The following COMMD3 variants were observed in gnomAD, a reference collection of about 807,000 sequenced individuals.
The protein encoded by COMMD3 is COMM domain-containing protein 3.
A neutral mutation model predicts 31.2 loss-of-function variants in COMMD3; 31 were observed. That is an observed-to-expected ratio of 0.99 (90% CI 0.75 to 1.34). The LOEUF (loss-of-function observed/expected upper bound fraction) is 1.34, where lower values mean the gene tolerates loss of function less well. COMMD3 is among the 40% of genes most tolerant of loss of function. The pLI is 0.00. For missense variants in COMMD3, 274 were observed against 236.9 expected (o/e 1.16, Z -1.03); for synonymous variants, 108 against 87.3 (o/e 1.24, Z -1.32).
At chr10:22,317,460 C>T in intron 1 of COMMD3, 1 of 154,892 alleles carries the variant, frequency 6.5e-6, no homozygotes, top group Non-Finnish European at 1.4e-5. Flanking sequence ...TACCTTCTAC[C>T]CCCTTGATGT....
At position 22,318,644 on chromosome 10, in the gene COMMD3, A is replaced by C; in HGVS notation, c.351-9A>C. The C allele has an allele frequency of 6.2e-7, 1 of 1,609,570 alleles. No individual in the cohort carries two copies. Among genetic ancestry groups the C allele is most frequent in the Non-Finnish European group, 8.5e-7 (1 of 1,176,074 alleles). ...AGACTATGTACGAAGTTATCATTGC[A>C]TCTTTCAGTATAGGCAGATCTCTCC... On this transcript the variant is annotated splice_polypyrimidine_tract_variant and intron_variant, in intron 4 of 7. Coordinates refer to ENST00000376836, the MANE Select transcript of COMMD3 (RefSeq NM_012071.4).
chr10:22,318,159 G>A lies in COMMD3; in HGVS notation c.306G>A (p.Thr102=), dbSNP rs1129543. ...GAGAGCGAATAGAACTGTTTTGCAC[G>A]GAATATCAGGTTACTTACTTTAAAA... ...FDRERIELFC[T]EYQNNKNSLE... is the part of the protein sequence containing the mutation. Residue 102 remains threonine, a synonymous_variant, in exon 3 of 8, where the codon ACG becomes ACA. Transcript: ENST00000376836. 1,896 of 1,611,838 alleles carry A rather than the reference G, an allele frequency of 1.2e-3. 3 individuals carry two copies. The highest frequency in any genetic ancestry group is 1.1e-3 in the Non-Finnish European group (1,293 of 1,179,466).
chr10:22,317,786 G>A lies in COMMD3; in HGVS notation c.140-98G>A, dbSNP rs1037174413. 3.9e-6 allele frequency: 5 copies of A among 1,279,536 alleles called. No individual in the cohort carries two copies. The African/African-American group carries it at 7.5e-5, about 19-fold the overall frequency. The allele number at this position is 1,279,536 out of a possible 1,614,324, so 79.3% of individuals were successfully genotyped here. On this transcript the variant is annotated intron_variant, in intron 1 of 7. Transcript: ENST00000376836. ...CCTTATAGTTGATGTTTTTAATCTT[G>A]TTAAAGGGTTTTTAAACCCAAATTA...
In COMMD3 at chr10:22,319,843, G is replaced by A; in HGVS notation, c.529-96G>A. The A allele has an allele frequency of 4.8e-6, 7 of 1,453,736 alleles. No homozygotes were observed. The South Asian group carries it at 4.9e-5, about 10-fold the overall frequency. The allele number at this position is 1,453,736 out of a possible 1,614,324, so 90.1% of individuals were successfully genotyped here. On this transcript the variant is annotated intron_variant, in intron 7 of 7. Coordinates refer to ENST00000376836, the MANE Select transcript of COMMD3 (RefSeq NM_012071.4). Reference sequence around the variant, plus strand: ...GTTGAATTTTAAACTTGTTTGGAAGGTGTGTCCTGATTTTTTTTCTTGCAT... The same window carrying A: ...GTTGAATTTTAAACTTGTTTGGAAGATGTGTCCTGATTTTTTTTCTTGCAT...
Position 22,316,539 on chromosome 10 carries a change from C to G in COMMD3, c.122C>G (p.Ala41Gly), listed in dbSNP as rs1337377581. ...AAFQSLLDAQ[A>G]DEAVLDHPDL... ...TTCCAGAGTCTGCTGGACGCCCAGG[C>G]GGACGAGGCCGTGTTAGGTAAGCCG... The change falls in exon 1 of 8, where the codon GCG (alanine) becomes GGG (glycine). Residue 41 changes from alanine to glycine, a missense_variant. By Grantham distance (60) the Ala-to-Gly change is moderately conservative (BLOSUM62 0). Transcript: ENST00000376836. 2 of 1,548,498 alleles carry G rather than the reference C, an allele frequency of 1.3e-6. No individual in the cohort carries two copies. Among genetic ancestry groups the G allele is most frequent in the South Asian group, 2.4e-5 (2 of 83,916 alleles).
intron 1 of COMMD3, chr10:22,316,775 T>A: frequency 1.6e-6 from 1 of 634,168 alleles, no homozygotes; most frequent in Non-Finnish European, 2.3e-6. Flanking sequence ...TAGAGCCAAC[T>A]CCACGTTCCT....
chr10:22,319,045 C>G lies in COMMD3; in HGVS notation c.528+27C>G, dbSNP rs184789317. On this transcript the variant is annotated intron_variant, in intron 7 of 7. Coordinates refer to ENST00000376836, the MANE Select transcript of COMMD3 (RefSeq NM_012071.4). Reference sequence around the variant, plus strand: ...TACAGTATTAGGATCTATAAATATTCCTGTCTTTTTATAAATGTTTACTTG... The same window carrying G: ...TACAGTATTAGGATCTATAAATATTGCTGTCTTTTTATAAATGTTTACTTG... 4.5e-6 allele frequency: 7 copies of G among 1,562,704 alleles called. No homozygotes were observed. In the African/African-American group the frequency reaches 6.9e-5, roughly 15 times the overall value.
Position 22,318,871 on chromosome 10 carries a change from AGAT to A in COMMD3, c.468+10_468+12del. 1 of 1,613,298 alleles carries A rather than the reference AGAT, an allele frequency of 6.2e-7. No homozygotes were observed. Among genetic ancestry groups the A allele is most frequent in the South Asian group, 1.1e-5 (1 of 91,024 alleles). On this transcript the variant is annotated intron_variant, in intron 6 of 7. Transcript: ENST00000376836. ...TGACCTTAAGTGTACAGGTATTTAT[AGAT>A]AAGTCTTATCCAATAATGAAATTTA... is the stretch of plus-strand genomic sequence containing the variant.
rs1229930949 is a variant in COMMD3 at position 22,317,718 on chromosome 10, C to T, written c.140-166C>T. On this transcript the variant is annotated intron_variant, in intron 1 of 7. Transcript: ENST00000376836. ...TTGTTGTGTTCTTTTTATTGTTTTT[C>T]ACTTGATCTTGTTGCTCATCTCATT... is the stretch of plus-strand genomic sequence containing the variant. 8.6e-6 allele frequency: 5 copies of T among 584,408 alleles called. No individual in the cohort carries two copies. In the Admixed American group the frequency reaches 1.0e-4, roughly 12 times the overall value. 36.2% of individuals were successfully genotyped at this position (584,408 alleles called of 1,614,324 possible). A position where few individuals can be genotyped will look rare whatever the true frequency, so the allele number is the denominator to read the frequency against.
chr10:22,318,638 C>T lies in COMMD3; in HGVS notation c.351-15C>T. Reference sequence around the variant, plus strand: ...CTGAGGAGACTATGTACGAAGTTATCATTGCATCTTTCAGTATAGGCAGAT... The same window carrying T: ...CTGAGGAGACTATGTACGAAGTTATTATTGCATCTTTCAGTATAGGCAGAT... On this transcript the variant is annotated splice_polypyrimidine_tract_variant and intron_variant, in intron 4 of 7. Coordinates refer to ENST00000376836, the MANE Select transcript of COMMD3 (RefSeq NM_012071.4). The T allele has an allele frequency of 1.2e-6, 2 of 1,606,612 alleles. No individual in the cohort carries two copies. The highest frequency in any genetic ancestry group is 1.7e-6 in the Non-Finnish European group (2 of 1,173,502).
intron 1 of COMMD3, chr10:22,317,033 A>T (rs1168384602): frequency 6.5e-6 from 1 of 152,708 alleles, no homozygotes; most frequent in African/African-American, 2.4e-5. Flanking sequence ...GCATACCTCA[A>T]GTTGCTATGA....
intron 2 of COMMD3, 48 bp from the exon 3 acceptor site, chr10:22,318,057 G>C (rs745692233): frequency 6.2e-7 from 1 of 1,604,382 alleles, no homozygotes; most frequent in Admixed American, 1.7e-5. Flanking sequence ...TTCAATTTCA[G>C]TTTTAAAAAT....
chr10:22,317,849 TATC>T, intron 1 of COMMD3, 32 bp from the exon 2 acceptor site: 1 of 1,603,210 alleles, frequency 6.2e-7, no homozygotes, highest in South Asian at 1.1e-5. Context: ...AAGAATTTAT[TATC>T]ATAGGCATCA....
chr10:22,319,543 C>G (rs1835919907), intron 7 of COMMD3: 1 of 173,306 alleles, frequency 5.8e-6, no homozygotes, highest in African/African-American at 2.4e-5. Flanking sequence ...AAATGAAGCT[C>G]ATTACTGGAA....
chr10:22,318,728 A>C lies in COMMD3; in HGVS notation c.411+15A>C, dbSNP rs765106822. 1.9e-5 allele frequency: 30 copies of C among 1,613,014 alleles called. No individual in the cohort carries two copies. The highest frequency in any genetic ancestry group is 2.4e-5 in the Non-Finnish European group (28 of 1,179,252). ...ATCAGATAAAGGTAAAGTTTAAGAA[A>C]CTTCTCTAGCGGGGGATTTAGGGAA... is the stretch of plus-strand genomic sequence containing the variant. On this transcript the variant is annotated intron_variant, in intron 5 of 7. Coordinates refer to ENST00000376836, the MANE Select transcript of COMMD3 (RefSeq NM_012071.4).
In COMMD3 at chr10:22,318,943, T is replaced by C. The variant is rs138203966; in HGVS notation, c.469-16T>C. The C allele has an allele frequency of 2.2e-3, 3,582 of 1,611,668 alleles. 8 individuals are homozygous for C. The highest frequency in any genetic ancestry group is 2.1e-3 in the Non-Finnish European group (2,503 of 1,179,328). On this transcript the variant is annotated splice_polypyrimidine_tract_variant and intron_variant, in intron 6 of 7. Coordinates refer to ENST00000376836, the MANE Select transcript of COMMD3 (RefSeq NM_012071.4). Reference sequence around the variant, plus strand: ...TAAACAGCGTTTCTTGTTGCGTGTTTTTTTTCCTGCCCTAGAACACTGATT... The same window carrying C: ...TAAACAGCGTTTCTTGTTGCGTGTTCTTTTTCCTGCCCTAGAACACTGATT...
intron 1 of COMMD3, chr10:22,317,483 A>C (rs1835873126): frequency 6.3e-6 from 1 of 157,850 alleles, no homozygotes; most frequent in Admixed American, 6.2e-5. Flanking sequence ...TTGTTCATGG[A>C]GCCGGTTACC....
chr10:22,319,075 T>A, intron 7 of COMMD3, 57 bp downstream of exon 7: 3 of 1,529,988 alleles, frequency 2.0e-6, no homozygotes, highest in Non-Finnish European at 2.6e-6. Context: ...TACTTGAGAG[T>A]TATACTCTTG....
intron 5 of COMMD3, 21 bp from the exon 6 acceptor site, chr10:22,318,785 G>C: frequency 3.1e-6 from 5 of 1,613,884 alleles, no homozygotes; most frequent in Non-Finnish European, 4.2e-6. Context: ...AAGCTGTTGC[G>C]TGTTTGTTGT....
Sources: gnomAD v4.1 joint callset for allele counts on GRCh38, gnomAD v4.1.1 for gene constraint, MANE v1.5 for transcripts, NCBI Gene and HGNC (gene_info 2026-07-23, HGNC 2026-07-21) for gene names.